Variants in FMN1 observed in about 807,000 individuals in gnomAD.
FMN1 encodes formin 1.
In FMN1, 110 loss-of-function variants were observed where a neutral mutation model predicts 132.4. That is an observed-to-expected ratio of 0.83 (90% CI 0.71 to 0.97). The LOEUF (loss-of-function observed/expected upper bound fraction) is 0.97, where lower values mean the gene tolerates loss of function less well. Among genes scored for constraint, FMN1 ranks in the 50% least tolerant of loss-of-function variants. The pLI is 0.00. For synonymous variants in FMN1, 722 were observed against 651.7 expected, an observed-to-expected ratio of 1.11 and a Z score of -1.64; for missense variants, 1,792 against 1,705.3, an observed-to-expected ratio of 1.05 and a Z score of -0.90.
intron 6 of FMN1, among the ~76,000 whole-genome samples, chr15:33,015,736 T>G (rs1031612475): frequency 2.6e-5 from 4 of 152,200 alleles, no homozygotes; most frequent in African/African-American, 9.7e-5. Context: ...TGAATTATAC[T>G]TGGACGATAC....
intron 4 of FMN1, among the ~76,000 whole-genome samples, chr15:33,102,024 C>T (rs951505463): frequency 6.6e-6 from 1 of 152,118 alleles, no homozygotes; most frequent in Non-Finnish European, 1.5e-5. Context: ...AATTTCAATT[C>T]CTCTACCAAG....
intron 3 of FMN1, among the ~76,000 whole-genome samples, chr15:33,156,006 T>C (rs1187979965): frequency 6.6e-6 from 1 of 152,230 alleles, no homozygotes; most frequent in Non-Finnish European, 1.5e-5. Flanking sequence ...ACAATAACTA[T>C]TCATTAGCCC....
chr15:32,828,297 C>T (rs1462482729), intron 17 of FMN1, among the ~76,000 whole-genome samples: 1 of 152,138 alleles, frequency 6.6e-6, no homozygotes. Flanking sequence ...GTAATTAGAT[C>T]CATATGTATC....
At chr15:33,111,367 G>C (rs1185170768) in intron 4 of FMN1, among the ~76,000 whole-genome samples, 1 of 152,170 alleles carries the variant, frequency 6.6e-6, no homozygotes, top group Non-Finnish European at 1.5e-5. Context: ...ACTCTCACAA[G>C]ATTGCTGGTG....
chr15:33,079,627 A>G (rs917211766), intron 5 of FMN1, among the ~76,000 whole-genome samples: 2 of 152,278 alleles, frequency 1.3e-5, no homozygotes, highest in Admixed American at 6.5e-5. Context: ...CGTCTCAAAA[A>G]AAGAAAGCTG....
At chr15:32,888,652 T>A (rs540821608) in intron 15 of FMN1, among the ~76,000 whole-genome samples, 1 of 152,302 alleles carries the variant, frequency 6.6e-6, no homozygotes, top group African/African-American at 2.4e-5. Context: ...CCCCATTTGA[T>A]TTACACATGC....
At chr15:33,000,893 T>C (rs1450152657) in intron 7 of FMN1, among the ~76,000 whole-genome samples, 1 of 152,234 alleles carries the variant, frequency 6.6e-6, no homozygotes, top group Non-Finnish European at 1.5e-5. Context: ...CACTGTTCAG[T>C]GGATTCTGTC....
At chr15:33,061,357 C>A (rs1425530547) in intron 6 of FMN1, among the ~76,000 whole-genome samples, 1 of 151,930 alleles carries the variant, frequency 6.6e-6, no homozygotes, top group African/African-American at 2.4e-5. Context: ...AGAAGCAAAT[C>A]CATATCATGT....
At chr15:33,137,087 C>CAAAAAAAAAAAAAAAAAA (rs3082373) in intron 4 of FMN1, among the ~76,000 whole-genome samples, 1 of 52,424 alleles carries the variant, frequency 1.9e-5, no homozygotes, top group African/African-American at 7.8e-5. Flanking sequence ...GACCCCGTCT[C>CAAAAAAAAAAAAAAAAAA]AAAAAAAAAA....
At chr15:32,850,278 C>A (rs1238311194) in intron 17 of FMN1, among the ~76,000 whole-genome samples, 1 of 152,110 alleles carries the variant, frequency 6.6e-6, no homozygotes. Context: ...AGTTTTGTTT[C>A]TTTATTTCTG....
intron 3 of FMN1, among the ~76,000 whole-genome samples, chr15:33,172,125 G>A (rs1046096955): frequency 1.2e-4 from 18 of 151,798 alleles, no homozygotes; most frequent in African/African-American, 3.1e-4. Context: ...GGACAATGGC[G>A]TGAACCTGGA....
chr15:32,905,965 C>T (rs1210200190), intron 12 of FMN1, among the ~76,000 whole-genome samples: 1 of 152,184 alleles, frequency 6.6e-6, no homozygotes, highest in East Asian at 1.9e-4. Context: ...GCATGACAGT[C>T]CTTTTTGCTG....
At chr15:33,016,124 C>A (rs1281397535) in intron 6 of FMN1, among the ~76,000 whole-genome samples, 1 of 149,690 alleles carries the variant, frequency 6.7e-6, no homozygotes, top group Non-Finnish European at 1.5e-5. Context: ...ATTAAAATAA[C>A]AAATTAAATA....
intron 4 of FMN1, among the ~76,000 whole-genome samples, chr15:33,112,226 G>A (rs1279796229): frequency 6.6e-6 from 1 of 151,898 alleles, no homozygotes; most frequent in Non-Finnish European, 1.5e-5. Context: ...AAATTATAAA[G>A]GTATAATTAA....
At chr15:32,840,206 A>G (rs565561753) in intron 17 of FMN1, among the ~76,000 whole-genome samples, 21 of 152,280 alleles carry the variant, frequency 1.4e-4, no homozygotes, top group African/African-American at 4.8e-4. Context: ...GCCCTTAGTG[A>G]GCATCTGTGT....
In FMN1 at chr15:32,910,523, A is replaced by G; in HGVS notation, c.3239T>C (p.Val1080Ala). Residue 1080 changes from valine (V) to alanine (A), a missense_variant, in exon 11 of 21, where the codon GTG becomes GCG. Transcript: ENST00000616417. Reference protein sequence around the residue: ...MKDIQQAIFNVDDSVVDLETL... With the variant: ...MKDIQQAIFNADDSVVDLETL... ...CTCCAGATCAACCACGGAGTCATCC[A>G]CATTGAAAATGGCTGCCAAGCACCC... The G allele has an allele frequency of 1.3e-6, 2 of 1,573,424 alleles. No homozygotes were observed. Among genetic ancestry groups the G allele is most frequent in the Non-Finnish European group, 8.6e-7 (1 of 1,158,700 alleles).
Position 32,827,224 on chromosome 15 carries a change from C to T in FMN1, c.3929-22892G>A, listed in dbSNP as rs115307392. On this transcript the variant is annotated intron_variant, in intron 17 of 20. Coordinates refer to ENST00000616417, the MANE Select transcript of FMN1 (RefSeq NM_001277313.2). The stretch of plus-strand genomic sequence containing the variant: ...TCTAGGAACCAAGGAGAATGCTGGA[C>T]CTCAGCCACTCACCAGCTTAAACTG... Among the ~76,000 whole-genome samples the T allele has an allele frequency of 6.1e-3, 926 of 152,236 alleles. 7 individuals are homozygous for T. Among genetic ancestry groups the T allele is most frequent in the African/African-American group, 0.021 (868 of 41,532 alleles).
At chr15:32,992,677 C>T (rs575562017) in intron 7 of FMN1, among the ~76,000 whole-genome samples, 1 of 152,150 alleles carries the variant, frequency 6.6e-6, no homozygotes, top group Non-Finnish European at 1.5e-5. Context: ...ATATCCTAAT[C>T]ATTTTCCTGT....
intron 4 of FMN1, among the ~76,000 whole-genome samples, chr15:33,124,083 TCA>T (rs1161797599): frequency 6.6e-6 from 1 of 152,098 alleles, no homozygotes; most frequent in Non-Finnish European, 1.5e-5. Context: ...CATAAACAGA[TCA>T]CAGTGACCAG....
Sources: gnomAD v4.1 joint callset for allele counts (sites outside exome capture counted in the v4.1 genomes callset) on GRCh38, gnomAD v4.1.1 for gene constraint, MANE v1.5 for transcripts, NCBI Gene and HGNC (gene_info 2026-07-23, HGNC 2026-07-21) for gene names.